Variants in GALNT8 observed in about 807,000 individuals in gnomAD.
The protein encoded by GALNT8 is polypeptide N-acetylgalactosaminyltransferase 8, also known as probable polypeptide N-acetylgalactosaminyltransferase 8.
In GALNT8, 66 loss-of-function variants were observed where a neutral mutation model predicts 62.7. The ratio of observed to expected loss-of-function variants is 1.05; its 90% CI spans 0.86 to 1.29. The LOEUF is 1.29. Among genes scored for constraint, GALNT8 ranks in the 50% most tolerant of loss-of-function variants. The pLI is 0.00. For synonymous variants in GALNT8, 288 were observed against 294.3 expected (o/e 0.98, Z 0.22); for missense variants, 771 against 791.8 (o/e 0.97, Z 0.32).
In GALNT8 at chr12:4,744,634, G is replaced by T. The variant is rs781779147; in HGVS notation, c.794G>T (p.Gly265Val). Reference sequence around the variant, plus strand: ...GGTCTTGCTCAAGCCCGCAACACTGGCTGGGAAGCTGCCACAGCAGACGTG... The same window carrying T: ...GGTCTTGCTCAAGCCCGCAACACTGTCTGGGAAGCTGCCACAGCAGACGTG... The part of the protein sequence containing the change: ...RKGLAQARNT[G>V]WEAATADVVA... Residue 265 changes from glycine to valine, a missense_variant, in exon 4 of 11, where the codon GGC becomes GTC. Physicochemically the swap from Gly to Val is moderately radical, Grantham distance 109. Transcript: ENST00000252318. The T allele has an allele frequency of 1.2e-6, 2 of 1,613,650 alleles. No homozygotes were observed. Among genetic ancestry groups the T allele is most frequent in the South Asian group, 2.2e-5 (2 of 91,064 alleles).
intron 2 of GALNT8, among the ~76,000 whole-genome samples, chr12:4,737,147 A>C (rs916000022): frequency 6.6e-6 from 1 of 152,202 alleles, no homozygotes; most frequent in African/African-American, 2.4e-5. Flanking sequence ...GTATCCTAAC[A>C]ACAAGTAAAA....
intron 10 of GALNT8, among the ~76,000 whole-genome samples, chr12:4,767,909 T>C (rs1364440933): frequency 2.0e-5 from 3 of 152,246 alleles, no homozygotes; most frequent in African/African-American, 7.2e-5. Context: ...GGTTTTTCTT[T>C]AAGCTTTTAA....
chr12:4,764,011 C>G lies in GALNT8; in HGVS notation c.1557C>G (p.Thr519=). The G allele has an allele frequency of 6.3e-7, 1 of 1,597,602 alleles. No homozygotes were observed. The highest frequency in any genetic ancestry group is 1.1e-5 in the South Asian group (1 of 90,842). Residue 519 remains threonine, a synonymous_variant, in exon 9 of 11, where the codon ACC becomes ACG. Coordinates refer to ENST00000252318, the MANE Select transcript of GALNT8 (RefSeq NM_017417.2). ...ATCAGGGACCCGTTCCAGGCAACAC[C>G]CCCATCATGTATTACTGCCATGAAT... is the stretch of plus-strand genomic sequence containing the variant. ...CLDQGPVPGN[T]PIMYYCHEFS... is the part of the protein sequence containing the mutation.
Position 4,734,565 on chromosome 12 carries a change from C to T in GALNT8, c.510-4598C>T, listed in dbSNP as rs572917024. On this transcript the variant is annotated intron_variant, in intron 2 of 10. Transcript: ENST00000252318. ...ATCTTCCTTTCGCTTCTTTCTTTCTCCAGGGTTGGCCTTAGGTGAGGTCTT... is the reference window on the plus strand; with the variant it reads ...ATCTTCCTTTCGCTTCTTTCTTTCTTCAGGGTTGGCCTTAGGTGAGGTCTT... Among the ~76,000 whole-genome samples, 5 of 152,110 alleles carry T rather than the reference C, an allele frequency of 3.3e-5. No individual in the cohort carries two copies. In the South Asian group the frequency reaches 1.0e-3, roughly 32 times the overall value.
chr12:4,740,851 G>A (rs1254225302), intron 3 of GALNT8, among the ~76,000 whole-genome samples: 3 of 152,230 alleles, frequency 2.0e-5, no homozygotes, highest in Non-Finnish European at 4.4e-5. Context: ...CAGCTGGTAA[G>A]TGACAGAACT....
chr12:4,744,680 C>G lies in GALNT8; in HGVS notation c.840C>G (p.His280Gln). ...TADVVAILDA[H>Q]IEVNVGWAEP... is the part of the protein sequence containing the mutation. Reference sequence around the variant, plus strand: ...ACGTGGTCGCCATCTTGGATGCTCACATTGAAGTCAATGTTGGGTGGTAAG... The same window carrying G: ...ACGTGGTCGCCATCTTGGATGCTCAGATTGAAGTCAATGTTGGGTGGTAAG... The change falls in exon 4 of 11, where the codon CAC becomes CAG. Residue 280 changes from histidine (H) to glutamine (Q), a missense_variant. By Grantham distance (24) the His-to-Gln change is conservative. Transcript: ENST00000252318. The G allele has an allele frequency of 6.2e-7, 1 of 1,611,622 alleles. No homozygotes were observed. Among genetic ancestry groups the G allele is most frequent in the Non-Finnish European group, 8.5e-7 (1 of 1,178,990 alleles).
intron 4 of GALNT8, 57 bp from the exon 5 acceptor site, chr12:4,745,372 C>A: frequency 9.3e-7 from 1 of 1,076,230 alleles, no homozygotes; most frequent in South Asian, 1.3e-5. Context: ...TTTATCTGCT[C>A]TCCCCTACTG....
rs990647987 is a variant in GALNT8 at position 4,749,454 on chromosome 12, CATTG to C, written c.1173+3203_1173+3206del. ...TTCATCCTGTTAATATGATGTTTCA[CATTG>C]ATTGATCTGCATATGTTGAACAATC... On this transcript the variant is annotated intron_variant, in intron 6 of 10. Coordinates refer to ENST00000252318, the MANE Select transcript of GALNT8 (RefSeq NM_017417.2). The surrounding 1 kb of genome is among the most constrained non-coding windows in gnomAD (Gnocchi z 4.1). 1.3e-5 allele frequency among the ~76,000 whole-genome samples: 2 copies of C among 152,166 alleles called. No individual in the cohort carries two copies. Among genetic ancestry groups the C allele is most frequent in the Non-Finnish European group, 2.9e-5 (2 of 68,014 alleles).
intron 3 of GALNT8, among the ~76,000 whole-genome samples, chr12:4,739,841 A>G: frequency 6.6e-6 from 1 of 150,890 alleles, no homozygotes; most frequent in South Asian, 2.1e-4. Flanking sequence ...ATTTTTTTGT[A>G]TTTTTTTAGT....
At chr12:4,742,951 T>C (rs563025715) in intron 3 of GALNT8, among the ~76,000 whole-genome samples, 1 of 152,304 alleles carries the variant, frequency 6.6e-6, no homozygotes, top group South Asian at 2.1e-4. Context: ...TGACTCAGAA[T>C]CTATGGCTCA....
chr12:4,738,406 T>C lies in GALNT8; in HGVS notation c.510-757T>C, dbSNP rs150883930. ...CACCAAAAGCATAGGTGAAACAAGA[T>C]TGAAAAGTTGAACTTTATCAAAACT... On this transcript the variant is annotated intron_variant, in intron 2 of 10. Transcript: ENST00000252318. Among the ~76,000 whole-genome samples, 579 of 152,282 alleles carry C rather than the reference T, an allele frequency of 3.8e-3. 3 individuals are homozygous for C. The highest frequency in any genetic ancestry group is 0.013 in the African/African-American group (545 of 41,560).
intron 9 of GALNT8, among the ~76,000 whole-genome samples, chr12:4,764,571 T>G (rs1409560698): frequency 3.2e-5 from 4 of 123,864 alleles, no homozygotes; most frequent in South Asian, 2.7e-4. Flanking sequence ...TGAGACAGAG[T>G]CTCGATCTGT....
rs763877686 is a variant in GALNT8, at chr12:4,761,130, A to C, written c.1346A>C (p.Asn449Thr). 6.2e-7 allele frequency: 1 copy of C among 1,613,740 alleles called. No homozygotes were observed. Among genetic ancestry groups the C allele is most frequent in the Non-Finnish European group, 8.5e-7 (1 of 1,179,674 alleles). Residue 449 changes from asparagine to threonine, a missense_variant, in exon 7 of 11, where the codon AAC becomes ACC. Coordinates refer to ENST00000252318, the MANE Select transcript of GALNT8 (RefSeq NM_017417.2). ...AAACACATGGTCTACTTGGCCTGGA[A>C]CATACCTCTCCAGGTGAGTCATGGA... The part of the protein sequence containing the change: ...EHKHMVYLAW[N>T]IPLQNSGIDF...
intron 10 of GALNT8, among the ~76,000 whole-genome samples, chr12:4,766,538 T>C (rs1050631679): frequency 2.0e-5 from 3 of 152,178 alleles, no homozygotes; most frequent in African/African-American, 4.8e-5. Flanking sequence ...ATGTAGAAGC[T>C]CTGCCTTTAA....
intron 10 of GALNT8, among the ~76,000 whole-genome samples, chr12:4,766,794 A>C (rs1314804038): frequency 6.6e-6 from 1 of 152,072 alleles, no homozygotes; most frequent in Non-Finnish European, 1.5e-5. Flanking sequence ...CCACACGGAC[A>C]ATCTAGTTCA....
intron 10 of GALNT8, among the ~76,000 whole-genome samples, chr12:4,767,802 T>G (rs866097578): frequency 7.9e-5 from 12 of 152,194 alleles, no homozygotes; most frequent in African/African-American, 2.7e-4. Context: ...AAATTAATAT[T>G]CATTGTATTC....
intron 9 of GALNT8, 137 bp from the exon 10 acceptor site, chr12:4,765,242 T>G: frequency 1.5e-6 from 1 of 670,682 alleles, no homozygotes; most frequent in Non-Finnish European, 2.4e-6. Context: ...TCCAGGAAGG[T>G]TCAGTGCTCT....
chr12:4,747,958 C>G lies in GALNT8; in HGVS notation c.1173+1700C>G, dbSNP rs535142552. Reference sequence around the variant, plus strand: ...CTCACTGTAGTTTTGATTTGCATTTCTCTGATGATCAGTGATGTTGAGTAT... The same window carrying G: ...CTCACTGTAGTTTTGATTTGCATTTGTCTGATGATCAGTGATGTTGAGTAT... On this transcript the variant is annotated intron_variant, in intron 6 of 10. Transcript: ENST00000252318. 1.7e-3 allele frequency among the ~76,000 whole-genome samples: 253 copies of G among 152,250 alleles called. 1 individual carries two copies. The highest frequency in any genetic ancestry group is 5.7e-3 in the African/African-American group (236 of 41,546).
intron 2 of GALNT8, among the ~76,000 whole-genome samples, chr12:4,738,053 TG>T (rs1946253528): frequency 6.6e-6 from 1 of 152,236 alleles, no homozygotes; most frequent in Non-Finnish European, 1.5e-5. Flanking sequence ...GCTTTCTACA[TG>T]GTGGAATGAA....
Sources: gnomAD v4.1 joint callset for allele counts (sites outside exome capture counted in the v4.1 genomes callset) on GRCh38, gnomAD v4.1.1 for gene constraint, Gnocchi (gnomAD v3.1) non-coding constraint, MANE v1.5 for transcripts, NCBI Gene and HGNC (gene_info 2026-07-23, HGNC 2026-07-21) for gene names.